Variants in ADAMTS12 observed in about 807,000 individuals in gnomAD.
The protein encoded by ADAMTS12 is A disintegrin and metalloproteinase with thrombospondin motifs 12.
ADAMTS12 carries 118 observed loss-of-function variants against 167.8 expected under a neutral mutation model. The ratio of observed to expected loss-of-function variants is 0.70; its 90% confidence interval spans 0.61 to 0.82. ADAMTS12 has a LOEUF of 0.82. Ranked by LOEUF, ADAMTS12 falls within the 40% of genes least tolerant of loss-of-function variation. The probability of loss-of-function intolerance (pLI) is 0.00; values close to 1 mark genes in which losing one functional copy is unlikely to be tolerated. For synonymous variants in ADAMTS12, 704 were observed against 716.9 expected, an observed-to-expected ratio of 0.98 and a Z score of 0.29; for missense variants, 1,916 against 1,998.8, an observed-to-expected ratio of 0.96 and a Z score of 0.79.
At chr5:33,873,697 G>A (rs1750124981) in intron 2 of ADAMTS12, among the ~76,000 whole-genome samples, 1 of 152,142 alleles carries the variant, frequency 6.6e-6, no homozygotes, top group Non-Finnish European at 1.5e-5. Context: ...TGTGATATTA[G>A]TGAAAGAATA....
chr5:33,587,976 A>T (rs1336779484), intron 18 of ADAMTS12, among the ~76,000 whole-genome samples: 1 of 152,212 alleles, frequency 6.6e-6, no homozygotes, highest in Non-Finnish European at 1.5e-5. Flanking sequence ...TTCCAAAGTG[A>T]CCCAAAGAAA....
intron 18 of ADAMTS12, among the ~76,000 whole-genome samples, chr5:33,583,293 T>A (rs540287093): frequency 9.2e-5 from 14 of 152,198 alleles, no homozygotes; most frequent in Non-Finnish European, 1.6e-4. Flanking sequence ...TGATCTCCAG[T>A]TTATCCACGT....
chr5:33,691,837 C>T (rs1742557113), intron 3 of ADAMTS12, among the ~76,000 whole-genome samples: 1 of 152,216 alleles, frequency 6.6e-6, no homozygotes, highest in Non-Finnish European at 1.5e-5. Flanking sequence ...GTGCAAACTG[C>T]TTAAGAGGCT....
intron 2 of ADAMTS12, among the ~76,000 whole-genome samples, chr5:33,849,761 T>C: frequency 6.7e-6 from 1 of 150,142 alleles, no homozygotes; most frequent in Non-Finnish European, 1.5e-5. Context: ...ATAGTATCTA[T>C]ATATGTATTG....
At chr5:33,850,606 A>G (rs1749187206) in intron 2 of ADAMTS12, among the ~76,000 whole-genome samples, 2 of 152,222 alleles carry the variant, frequency 1.3e-5, no homozygotes, top group Admixed American at 6.5e-5. Context: ...TCATGCTGCC[A>G]CCATCCATGT....
chr5:33,594,267 C>CT (rs1464080044), intron 17 of ADAMTS12, among the ~76,000 whole-genome samples: 1 of 152,192 alleles, frequency 6.6e-6, no homozygotes. Flanking sequence ...TAAGACATGC[C>CT]TTTCCCCTTC....
intron 19 of ADAMTS12, among the ~76,000 whole-genome samples, chr5:33,573,641 C>A (rs1029014369): frequency 1.3e-5 from 2 of 152,118 alleles, no homozygotes; most frequent in Non-Finnish European, 2.9e-5. Flanking sequence ...ACCATAAAAA[C>A]CCTAGAAGAA....
chr5:33,740,901 T>C (rs1246180704), intron 3 of ADAMTS12, among the ~76,000 whole-genome samples: 1 of 152,226 alleles, frequency 6.6e-6, no homozygotes, highest in Non-Finnish European at 1.5e-5. Context: ...AGGCCCCAGC[T>C]CGTGCTCCAC....
At chr5:33,627,232 G>A (rs898258756) in intron 13 of ADAMTS12, among the ~76,000 whole-genome samples, 3 of 147,064 alleles carry the variant, frequency 2.0e-5, no homozygotes, top group African/African-American at 7.6e-5. Flanking sequence ...TGGAGATGGT[G>A]GAGTGATGGT....
chr5:33,542,785 G>A (rs1486087047), intron 22 of ADAMTS12, among the ~76,000 whole-genome samples: 1 of 152,118 alleles, frequency 6.6e-6, no homozygotes, highest in Non-Finnish European at 1.5e-5. Context: ...ACGAAATGAA[G>A]GCAGAAATAA....
chr5:33,843,138 T>C (rs6884618), intron 2 of ADAMTS12, among the ~76,000 whole-genome samples: 1 of 152,098 alleles, frequency 6.6e-6, no homozygotes, highest in Non-Finnish European at 1.5e-5. Context: ...AGTATGCATC[T>C]GTGTAGGGTT....
At chr5:33,540,247 G>A (rs1037749828) in intron 22 of ADAMTS12, among the ~76,000 whole-genome samples, 11 of 152,250 alleles carry the variant, frequency 7.2e-5, no homozygotes, top group African/African-American at 2.4e-4. Context: ...TGACAACCTA[G>A]CTGGGGGAGG....
intron 2 of ADAMTS12, among the ~76,000 whole-genome samples, chr5:33,806,838 G>A (rs1411720261): frequency 6.6e-6 from 1 of 152,024 alleles, no homozygotes; most frequent in Non-Finnish European, 1.5e-5. Context: ...TCCTGACGAC[G>A]GCTGTCATCC....
chr5:33,614,703 G>A (rs756224936), intron 15 of ADAMTS12, among the ~76,000 whole-genome samples: 11 of 152,196 alleles, frequency 7.2e-5, no homozygotes, highest in Non-Finnish European at 1.2e-4. Context: ...ATGGCAAGGA[G>A]TATCCTTTCC....
intron 10 of ADAMTS12, 138 bp downstream of exon 10, chr5:33,643,240 C>A: frequency 1.3e-6 from 1 of 794,862 alleles, no homozygotes. Flanking sequence ...GGGTGATCTC[C>A]TCTGGCTGGT....
intron 22 of ADAMTS12, among the ~76,000 whole-genome samples, chr5:33,539,216 A>G (rs1271906602): frequency 6.6e-6 from 1 of 152,222 alleles, no homozygotes; most frequent in Non-Finnish European, 1.5e-5. Context: ...TGCTAGGACT[A>G]CAGGTGTGAG....
intron 22 of ADAMTS12, among the ~76,000 whole-genome samples, chr5:33,540,078 C>T (rs1462475844): frequency 6.6e-6 from 1 of 152,228 alleles, no homozygotes; most frequent in Non-Finnish European, 1.5e-5. Context: ...ACAGACTGTA[C>T]CTGGAAAAAT....
At chr5:33,742,139 G>A (rs1440769306) in intron 3 of ADAMTS12, among the ~76,000 whole-genome samples, 1 of 152,100 alleles carries the variant, frequency 6.6e-6, no homozygotes, top group Non-Finnish European at 1.5e-5. Flanking sequence ...TTGAGGAAAA[G>A]GAGGTCAATC....
At position 33,676,256 on chromosome 5, in the gene ADAMTS12, G is replaced by A. The variant is rs572480396; in HGVS notation, c.915+6762C>T. 3.7e-4 allele frequency among the ~76,000 whole-genome samples: 57 copies of A among 152,260 alleles called. No homozygotes were observed. The South Asian group carries it at 0.011, about 29-fold the overall frequency. On this transcript the variant is annotated intron_variant, in intron 5 of 23. Coordinates refer to ENST00000504830, the MANE Select transcript of ADAMTS12 (RefSeq NM_030955.4). ...TAAAAATTGTTCTCGCTCTTTGTAA[G>A]CTCTCTCTATAATGAGAAAATCTTG... is the stretch of plus-strand genomic sequence containing the variant.
Sources: allele counts gnomAD v4.1 joint callset (sites outside exome capture counted in the v4.1 genomes callset), GRCh38; gene constraint gnomAD v4.1.1; transcripts MANE v1.5; gene names NCBI Gene and HGNC (gene_info 2026-07-23, HGNC 2026-07-21).